Variants in MINAR2 observed in about 807,000 individuals in gnomAD.
MINAR2 encodes membrane integral NOTCH2 associated receptor 2.
A neutral mutation model predicts 16.1 loss-of-function variants in MINAR2; 21 were observed. That is an observed-to-expected ratio of 1.31 (90% CI 0.93 to 1.88). MINAR2 has a LOEUF of 1.88. Ranked by LOEUF, MINAR2 falls within the 40% of genes most tolerant of loss-of-function variation. MINAR2 has a pLI of 0.00. For missense variants in MINAR2, 259 were observed against 229.8 expected, an observed-to-expected ratio of 1.13 and a Z score of -0.82; for synonymous variants, 86 against 83.0, an observed-to-expected ratio of 1.04 and a Z score of -0.20.
intron 2 of MINAR2, among the ~76,000 whole-genome samples, chr5:129,763,144 G>A (rs994793849): frequency 1.3e-5 from 2 of 152,120 alleles, no homozygotes; most frequent in Admixed American, 1.3e-4. Context: ...ATTAGGACCT[G>A]CTCCCTCCCC....
chr5:129,758,812 T>C (rs1255945036), intron 1 of MINAR2, among the ~76,000 whole-genome samples: 7 of 152,172 alleles, frequency 4.6e-5, no homozygotes, highest in African/African-American at 1.7e-4. Flanking sequence ...AATTACTTTT[T>C]TCTCAATTCA....
intron 1 of MINAR2, among the ~76,000 whole-genome samples, chr5:129,755,573 A>G (rs1360507770): frequency 6.6e-6 from 1 of 151,972 alleles, no homozygotes; most frequent in Admixed American, 6.6e-5. Flanking sequence ...TATATTATGT[A>G]AGAAATTGTC....
chr5:129,748,255 C>A lies in MINAR2; in HGVS notation c.65C>A (p.Ser22Tyr), dbSNP rs374406945. The change falls in exon 1 of 3, where the codon TCT (serine) becomes TAT (tyrosine). Residue 22 changes from serine (S) to tyrosine (Y), a missense_variant. Physicochemically the swap from Ser to Tyr is moderately radical, Grantham distance 144. Transcript: ENST00000564719. ...AAATTCCTGCAGCTTGACGTAAAGT[C>A]TTTAACGAGGAGCTCAGCCCTCCTT... ...PDKFLQLDVK[S>Y]LTRSSALLQA... is the part of the protein sequence containing the mutation. The A allele has an allele frequency of 3.9e-6, 6 of 1,535,138 alleles. No individual in the cohort carries two copies. The highest frequency in any genetic ancestry group is 4.9e-5 in the East Asian group (2 of 40,918).
intron 2 of MINAR2, among the ~76,000 whole-genome samples, chr5:129,762,016 G>T (rs907190513): frequency 2.0e-5 from 3 of 152,080 alleles, no homozygotes; most frequent in Admixed American, 6.6e-5. Context: ...GCCTGTGAGG[G>T]GTGGGGGACA....
intron 1 of MINAR2, among the ~76,000 whole-genome samples, chr5:129,753,524 C>T (rs1238851587): frequency 2.0e-5 from 3 of 148,972 alleles, no homozygotes; most frequent in Middle Eastern, 3.7e-3. Flanking sequence ...GAGGCCGAGG[C>T]GGGTGGATCA....
rs1250024591 is a variant in MINAR2, at chr5:129,766,681, C to CAAAAAAAA, written c.*1625_*1626insAAAAAAAA. The stretch of plus-strand genomic sequence containing the variant: ...ACAAACAAACAAACAAAAAAAACCC[C>CAAAAAAAA]AAAAAAAGAGACAGTTTTACTGGAC... On this transcript the variant is annotated 3_prime_UTR_variant, in exon 3 of 3. Transcript: ENST00000564719. 7.1e-6 allele frequency: 1 copy of CAAAAAAAA among 140,824 alleles called. No homozygotes were observed. Among genetic ancestry groups the CAAAAAAAA allele is most frequent in the Admixed American group, 7.0e-5 (1 of 14,352 alleles). The allele number at this position is 140,824 out of a possible 1,614,324, so 8.7% of individuals were successfully genotyped here. A position where few individuals can be genotyped will look rare whatever the true frequency, so the allele number is the denominator to read the frequency against.
rs1006462994 is a variant in MINAR2, at chr5:129,765,014, T to C, written c.524T>C (p.Val175Ala). ...FCRMGLILLVVISILVTIVTI... is the reference protein window; with the variant it reads ...FCRMGLILLVAISILVTIVTI... The stretch of plus-strand genomic sequence containing the variant: ...CGTATGGGTCTGATTTTACTTGTCG[T>C]TATCTCCATCTTGGTTACCATAGTG... The change falls in exon 3 of 3, where the codon GTT becomes GCT. Residue 175 changes from valine (V) to alanine (A), a missense_variant. Transcript: ENST00000564719. 9.6e-6 allele frequency: 13 copies of C among 1,349,670 alleles called. No individual in the cohort carries two copies. The highest frequency in any genetic ancestry group is 3.8e-4 in the Middle Eastern group (2 of 5,234). The allele number at this position is 1,349,670 out of a possible 1,614,324, so 83.6% of individuals were successfully genotyped here. A position where few individuals can be genotyped will look rare whatever the true frequency, so the allele number is the denominator to read the frequency against.
In MINAR2 at chr5:129,760,500, C is replaced by G. The variant is rs992028056; in HGVS notation, c.288C>G (p.Asp96Glu). Reference protein sequence around the residue: ...SVMKNNPLYGDLSLEEAMEER... With the variant: ...SVMKNNPLYGELSLEEAMEER... ...TGAAGAATAACCCACTCTATGGTGA[C>G]CTAAGTTTGGAGGAAGCTATGGAAG... The change falls in exon 2 of 3, where the codon GAC becomes GAG. Residue 96 changes from aspartate (D) to glutamate (E), a missense_variant. Asp to Glu is a conservative substitution (Grantham distance 45, BLOSUM62 2). Coordinates refer to ENST00000564719, the MANE Select transcript of MINAR2 (RefSeq NM_001257308.2). 2.4e-5 allele frequency: 37 copies of G among 1,535,550 alleles called. No homozygotes were observed. The highest frequency in any genetic ancestry group is 3.1e-5 in the Non-Finnish European group (35 of 1,146,580).
rs377429904 is a variant in MINAR2 at position 129,755,584 on chromosome 5, C to T, written c.166-4794C>T. Among the ~76,000 whole-genome samples the T allele has an allele frequency of 5.3e-5, 8 of 151,748 alleles. No individual in the cohort carries two copies. The East Asian group carries it at 7.7e-4, about 15-fold the overall frequency. On this transcript the variant is annotated intron_variant, in intron 1 of 2. Coordinates refer to ENST00000564719, the MANE Select transcript of MINAR2 (RefSeq NM_001257308.2). The stretch of plus-strand genomic sequence containing the variant: ...AAGTTATATTATGTAAGAAATTGTC[C>T]GACTGCACATAAATGTTTTAAGTCG...
intron 1 of MINAR2, among the ~76,000 whole-genome samples, chr5:129,755,028 G>C (rs541897901): frequency 6.6e-6 from 1 of 152,036 alleles, no homozygotes; most frequent in South Asian, 2.1e-4. Context: ...TTTTCTACTA[G>C]TTCTAGTTCA....
chr5:129,762,342 T>C (rs1758147895), intron 2 of MINAR2, among the ~76,000 whole-genome samples: 6 of 152,198 alleles, frequency 3.9e-5, no homozygotes, highest in Admixed American at 3.3e-4. Context: ...TTATCAATGA[T>C]TGGAAAAAAT....
intron 1 of MINAR2, among the ~76,000 whole-genome samples, chr5:129,756,818 T>A (rs1199687887): frequency 6.6e-6 from 1 of 151,440 alleles, no homozygotes; most frequent in Non-Finnish European, 1.5e-5. Context: ...ACATTCTTTA[T>A]ATCTAGCAAA....
At chr5:129,753,948 G>A (rs1167773402) in intron 1 of MINAR2, among the ~76,000 whole-genome samples, 8 of 152,188 alleles carry the variant, frequency 5.3e-5, no homozygotes, top group African/African-American at 1.9e-4. Flanking sequence ...TATTATCTAC[G>A]AAGTAGATTG....
intron 1 of MINAR2, among the ~76,000 whole-genome samples, chr5:129,758,053 C>A (rs1313109167): frequency 1.3e-5 from 2 of 151,844 alleles, no homozygotes; most frequent in Non-Finnish European, 2.9e-5. Context: ...TTACTTCACA[C>A]AGAGTATATA....
Position 129,753,593 on chromosome 5 carries a change from G to T in MINAR2, c.165+5238G>T, listed in dbSNP as rs183725562. ...ATGGTGAAACCCCGTCTCTACTAAAGATACAAAAAATTAGCTGGACTTGCT... is the reference window on the plus strand; with the variant it reads ...ATGGTGAAACCCCGTCTCTACTAAATATACAAAAAATTAGCTGGACTTGCT... On this transcript the variant is annotated intron_variant, in intron 1 of 2. Coordinates refer to ENST00000564719, the MANE Select transcript of MINAR2 (RefSeq NM_001257308.2). 2.0e-3 allele frequency among the ~76,000 whole-genome samples: 308 copies of T among 150,738 alleles called. 2 individuals carry two copies. Among genetic ancestry groups the T allele is most frequent in the Middle Eastern group, 6.9e-3 (2 of 288 alleles).
chr5:129,753,068 A>G (rs1202382112), intron 1 of MINAR2, among the ~76,000 whole-genome samples: 3 of 152,078 alleles, frequency 2.0e-5, no homozygotes, highest in East Asian at 1.9e-4. Context: ...ATAAATTTCA[A>G]TGTCTTTCCT....
At chr5:129,760,705 G>C (rs1434590436) in intron 2 of MINAR2, 100 bp downstream of exon 2, 8 of 854,042 alleles carry the variant, frequency 9.4e-6, no homozygotes, top group Non-Finnish European at 1.4e-5. Flanking sequence ...TCTTCACTAG[G>C]CGCAGAATCT....
rs1758189588 is a variant in MINAR2 at position 129,764,912 on chromosome 5, T to A, written c.422T>A (p.Leu141Ter). 7.5e-7 allele frequency: 1 copy of A among 1,334,774 alleles called. No homozygotes were observed. The highest frequency in any genetic ancestry group is 1.5e-5 in the African/African-American group (1 of 67,228). 82.7% of individuals were successfully genotyped at this position (1,334,774 alleles called of 1,614,324 possible). The stretch of plus-strand genomic sequence containing the variant: ...AATCCTAATGACCTGCGGTTTTGGT[T>A]GGGAGACATGTACACTCCAGGTTTT... The part of the protein sequence containing the change: ...KENPNDLRFW[L>*]GDMYTPGFDT... The change falls in exon 3 of 3, where the codon TTG becomes TAG. Residue 141 changes from leucine (L) to a stop codon, truncating the protein, a stop_gained. Coordinates refer to ENST00000564719, the MANE Select transcript of MINAR2 (RefSeq NM_001257308.2). LOFTEE classifies it high-confidence loss of function.
chr5:129,760,250 T>C (rs957821543), intron 1 of MINAR2, 128 bp from the exon 2 acceptor site: 10 of 687,580 alleles, frequency 1.5e-5, no homozygotes, highest in Non-Finnish European at 2.4e-5. Flanking sequence ...AATCCTTTTC[T>C]CATTCATTGT....
Sources: gnomAD v4.1 joint callset for allele counts (sites outside exome capture counted in the v4.1 genomes callset) on GRCh38, gnomAD v4.1.1 for gene constraint, MANE v1.5 for transcripts, NCBI Gene and HGNC (gene_info 2026-07-23, HGNC 2026-07-21) for gene names.